Variants in MINK1 observed in about 807,000 individuals in gnomAD.
MINK1 encodes misshapen like kinase 1.
MINK1 carries 46 observed loss-of-function variants against 178.4 expected under a neutral mutation model. The ratio of observed to expected loss-of-function variants is 0.26; its 90% confidence interval spans 0.20 to 0.33. The LOEUF (loss-of-function observed/expected upper bound fraction) is 0.33. MINK1 is among the 10% of genes least tolerant of loss of function. The probability of loss-of-function intolerance (pLI) is 1.00; values close to 1 mark genes in which losing one functional copy is unlikely to be tolerated. For synonymous variants in MINK1, 797 were observed against 709.7 expected (o/e 1.12, Z -1.96); for missense variants, 1,366 against 1,814.9 (o/e 0.75, Z 4.49).
At chr17:4,862,653 C>CA (rs562640414) in intron 1 of MINK1, among the ~76,000 whole-genome samples, 92 of 123,800 alleles carry the variant, frequency 7.4e-4, no homozygotes, top group Middle Eastern at 4.2e-3. Context: ...GAATCCATCT[C>CA]AAAAAAAAAA....
chr17:4,854,536 T>C (rs762140245), intron 1 of MINK1, among the ~76,000 whole-genome samples: 1 of 152,250 alleles, frequency 6.6e-6, no homozygotes, highest in Non-Finnish European at 1.5e-5. Flanking sequence ...TCCTGACTTG[T>C]TTCTGCCTCT....
intron 1 of MINK1, among the ~76,000 whole-genome samples, chr17:4,859,788 C>CAAAAAAAAAAAAA (rs397857604): frequency 7.7e-5 from 4 of 51,888 alleles, no homozygotes; most frequent in Non-Finnish European, 1.3e-4. Context: ...AACTCCATCT[C>CAAAAAAAAAAAAA]AAAAAAAAAA....
chr17:4,862,497 A>G (rs1011757882), intron 1 of MINK1, among the ~76,000 whole-genome samples: 5 of 152,108 alleles, frequency 3.3e-5, no homozygotes, highest in African/African-American at 1.2e-4. Flanking sequence ...TCTACTAAAA[A>G]TACAAAAACT....
intron 20 of MINK1, 86 bp from the exon 21 acceptor site, chr17:4,893,348 C>G: frequency 1.9e-6 from 3 of 1,613,174 alleles, no homozygotes; most frequent in Non-Finnish European, 2.5e-6. Context: ...CCCCTCCTGT[C>G]GCCCTGCTGG....
Position 4,894,950 on chromosome 17 carries a change from C to T in MINK1, c.2918-125C>T, listed in dbSNP as rs1385344789. 10 of 1,072,268 alleles carry T rather than the reference C, an allele frequency of 9.3e-6. No homozygotes were observed. Among genetic ancestry groups the T allele is most frequent in the South Asian group, 7.5e-5 (5 of 66,266 alleles). 66.4% of individuals were successfully genotyped at this position (1,072,268 alleles called of 1,614,324 possible). On this transcript the variant is annotated intron_variant, in intron 24 of 31. Transcript: ENST00000355280. The surrounding 1 kb of genome is among the most constrained non-coding windows in gnomAD (Gnocchi z 4.1). ...TCCCCCTCTCCCATGCACCTCCTCT[C>T]CTCCTGTCTTTCTCCTCCTTTCTGC...
In MINK1 at chr17:4,893,205, G is replaced by GCGCTAACCTT. The variant is rs773738370; in HGVS notation, c.2400+138_2400+139insCGCTAACCTT. The GCGCTAACCTT allele has an allele frequency of 1.3e-3, 2,010 of 1,568,672 alleles. 4 individuals are homozygous for GCGCTAACCTT. Among genetic ancestry groups the GCGCTAACCTT allele is most frequent in the Non-Finnish European group, 1.2e-3 (1,355 of 1,146,612 alleles). ...GATGGAGGGACTGGTGCTTCTCATGGTGCTAACCTTTCCTAACCTCTCTCC... is the reference window on the plus strand; with the variant it reads ...GATGGAGGGACTGGTGCTTCTCATGGCGCTAACCTTTGCTAACCTTTCCTAACCTCTCTCC... On this transcript the variant is annotated intron_variant, in intron 20 of 31. Coordinates refer to ENST00000355280, the MANE Select transcript of MINK1 (RefSeq NM_153827.5).
rs796602483 is a variant in MINK1 at position 4,885,364 on chromosome 17, G to T, written c.509-119G>T. 3.7e-6 allele frequency: 5 copies of T among 1,357,536 alleles called. No individual in the cohort carries two copies. In the African/African-American group the frequency reaches 7.2e-5, roughly 20 times the overall value. The allele number at this position is 1,357,536 out of a possible 1,614,324, so 84.1% of individuals were successfully genotyped here. A position where few individuals can be genotyped will look rare whatever the true frequency, so the allele number is the denominator to read the frequency against. On this transcript the variant is annotated intron_variant, in intron 6 of 31. Transcript: ENST00000355280. The surrounding 1 kb of genome is among the most constrained non-coding windows in gnomAD (Gnocchi z 5.0). ...GTGGGGTAAAGGAGGGTGCTGGGGT[G>T]TCTGGGTCGGGCCAGGACCACAGCT...
chr17:4,873,285 A>G (rs1019918802), intron 1 of MINK1, among the ~76,000 whole-genome samples: 3 of 152,106 alleles, frequency 2.0e-5, no homozygotes, highest in Non-Finnish European at 2.9e-5. Context: ...AATAGAATGT[A>G]CCTGTGTATC....
At chr17:4,883,889 T>C (rs918249894) in intron 4 of MINK1, among the ~76,000 whole-genome samples, 2 of 151,972 alleles carry the variant, frequency 1.3e-5, no homozygotes, top group Admixed American at 6.6e-5. Context: ...AATGAGAATC[T>C]GATGAAAGTA....
Position 4,892,195 on chromosome 17 carries a change from G to A in MINK1, c.2048G>A (p.Gly683Glu), listed in dbSNP as rs1158495865. Residue 683 changes from glycine to glutamate, a missense_variant, in exon 17 of 32, where the codon GGG becomes GAG. Physicochemically the swap from Gly to Glu is moderately conservative, Grantham distance 98. Transcript: ENST00000355280. Reference protein sequence around the residue: ...SSIATALNTSGAGGSRPAQAV... With the variant: ...SSIATALNTSEAGGSRPAQAV... ...ATCGCCACTGCCCTTAACACCAGTGGGGCCGGAGGGTCCCGGCCAGCCCAG... is the reference window on the plus strand; with the variant it reads ...ATCGCCACTGCCCTTAACACCAGTGAGGCCGGAGGGTCCCGGCCAGCCCAG... 6 of 1,599,626 alleles carry A rather than the reference G, an allele frequency of 3.8e-6. No homozygotes were observed. Among genetic ancestry groups the A allele is most frequent in the African/African-American group, 1.3e-5 (1 of 74,574 alleles).
intron 15 of MINK1, 97 bp downstream of exon 15, chr17:4,891,221 C>CACAG (rs1968778524): frequency 2.9e-6 from 3 of 1,034,000 alleles, no homozygotes; most frequent in Admixed American, 6.1e-5. Flanking sequence ...CACACACACA[C>CACAG]ACACCTGCTC....
chr17:4,857,047 C>G (rs951113297), intron 1 of MINK1: 1 of 188,558 alleles, frequency 5.3e-6, no homozygotes. Context: ...TTGCCAGTGT[C>G]CCCCACGATG....
intron 2 of MINK1, among the ~76,000 whole-genome samples, chr17:4,880,299 T>C (rs534510081): frequency 6.7e-6 from 1 of 149,732 alleles, no homozygotes; most frequent in African/African-American, 2.5e-5. Context: ...TTTTTTCTTT[T>C]CTTTTTTTTT....
intron 1 of MINK1, among the ~76,000 whole-genome samples, chr17:4,844,370 G>A (rs911595843): frequency 6.6e-6 from 1 of 152,136 alleles, no homozygotes; most frequent in Non-Finnish European, 1.5e-5. Flanking sequence ...GGCTTACTGA[G>A]GACTAAAACA....
At position 4,891,189 on chromosome 17, in the gene MINK1, C is replaced by T. The variant is rs1968757638; in HGVS notation, c.1740+65C>T. 3 of 1,162,636 alleles carry T rather than the reference C, an allele frequency of 2.6e-6. No individual in the cohort carries two copies. The Admixed American group carries it at 9.7e-5, about 38-fold the overall frequency. The allele number at this position is 1,162,636 out of a possible 1,614,324, so 72.0% of individuals were successfully genotyped here. ...GAGCTTTGTTCAGAGCACAGGTACACACACACGCGCGCACACACACACACA... is the reference window on the plus strand; with the variant it reads ...GAGCTTTGTTCAGAGCACAGGTACATACACACGCGCGCACACACACACACA... On this transcript the variant is annotated intron_variant, in intron 15 of 31. Coordinates refer to ENST00000355280, the MANE Select transcript of MINK1 (RefSeq NM_153827.5).
chr17:4,892,251 G>A lies in MINK1; in HGVS notation c.2087+17G>A. 6.4e-7 allele frequency: 1 copy of A among 1,556,676 alleles called. No individual in the cohort carries two copies. The highest frequency in any genetic ancestry group is 2.4e-5 in the East Asian group (1 of 41,574). ...CCGTGCCAGGTAATGCCTGGGTAGG[G>A]CAACGCCTGGGTGAGGTCTGAGGGC... On this transcript the variant is annotated intron_variant, in intron 17 of 31. Transcript: ENST00000355280.
Position 4,887,456 on chromosome 17 carries a change from T to C in MINK1, c.1020-124T>C, listed in dbSNP as rs1597540965. ...GGGGACGGTAAGTCTCCTGGCCACC[T>C]GGGAGTGGCCAGAGGCAGAGGCTTT... On this transcript the variant is annotated intron_variant, in intron 11 of 31. Coordinates refer to ENST00000355280, the MANE Select transcript of MINK1 (RefSeq NM_153827.5). This position sits in a 1 kb window ranked among gnomAD's most constrained non-coding sequence, Gnocchi z 7.6. 3.2e-6 allele frequency: 3 copies of C among 935,802 alleles called. No individual in the cohort carries two copies. The highest frequency in any genetic ancestry group is 4.8e-6 in the Non-Finnish European group (3 of 631,380). The allele number at this position is 935,802 out of a possible 1,614,324, so 58.0% of individuals were successfully genotyped here.
intron 1 of MINK1, among the ~76,000 whole-genome samples, chr17:4,838,124 T>C (rs748498902): frequency 6.6e-6 from 1 of 152,166 alleles, no homozygotes; most frequent in Non-Finnish European, 1.5e-5. Context: ...AGTAAGGACA[T>C]TCAATAGTGA....
At chr17:4,889,844 C>T (rs1436256987) in intron 13 of MINK1, 81 bp downstream of exon 13, 8 of 955,046 alleles carry the variant, frequency 8.4e-6, no homozygotes, top group Admixed American at 2.7e-5. Flanking sequence ...TGCCCTTCCC[C>T]CTTCTCTCCC....
Sources: allele counts gnomAD v4.1 joint callset (sites outside exome capture counted in the v4.1 genomes callset), GRCh38; gene constraint gnomAD v4.1.1; non-coding constraint Gnocchi (gnomAD v3.1); transcripts MANE v1.5; gene names NCBI Gene and HGNC (gene_info 2026-07-23, HGNC 2026-07-21).